The following FGD3 variants were observed in gnomAD, a reference collection of about 807,000 sequenced individuals.
The protein encoded by FGD3 is FYVE, RhoGEF and PH domain containing 3.
Under a neutral mutation model 71.8 loss-of-function variants are expected in FGD3, and 45 were observed. The ratio of observed to expected loss-of-function variants is 0.63; its 90% CI spans 0.49 to 0.80. The LOEUF (loss-of-function observed/expected upper bound fraction) is 0.80, where lower values mean the gene tolerates loss of function less well. Ranked by LOEUF, FGD3 falls within the 30% of genes least tolerant of loss-of-function variation. The pLI is 0.00. For missense variants in FGD3, 844 were observed against 951.5 expected (o/e 0.89, Z 1.49); for synonymous variants, 378 against 392.8 (o/e 0.96, Z 0.44).
In FGD3 at chr9:93,020,374, G is replaced by T. The variant is rs1279242014; in HGVS notation, c.1444G>T (p.Gly482Cys). 9.3e-6 allele frequency: 15 copies of T among 1,613,814 alleles called. No individual in the cohort carries two copies. The highest frequency in any genetic ancestry group is 1.3e-5 in the Non-Finnish European group (15 of 1,179,996). ...KQNSETFKAFGGAFSQDEDPS... is the reference protein window; with the variant it reads ...KQNSETFKAFCGAFSQDEDPS... Reference sequence around the variant, plus strand: ...GAACAGCGAAACCTTCAAGGCTTTTGGTGGCGCCTTCAGCCAGGATGAGGA... The same window carrying T: ...GAACAGCGAAACCTTCAAGGCTTTTTGTGGCGCCTTCAGCCAGGATGAGGA... The change falls in exon 13 of 18, where the codon GGT becomes TGT. Residue 482 changes from glycine (G) to cysteine (C), a missense_variant. Transcript: ENST00000375482.
chr9:93,021,462 G>A (rs562539368), intron 13 of FGD3, among the ~76,000 whole-genome samples: 15 of 152,226 alleles, frequency 9.9e-5, no homozygotes, highest in East Asian at 5.8e-4. Flanking sequence ...ATCTCTGCCC[G>A]CTGCGAGGAA....
At chr9:93,005,976 T>A in intron 5 of FGD3, 48 bp from the exon 6 acceptor site, 1 of 1,539,874 alleles carries the variant, frequency 6.5e-7, no homozygotes, top group Non-Finnish European at 8.8e-7. Context: ...AACCTCAGAG[T>A]CCCCATTGCA....
At chr9:92,965,250 T>C (rs77919541) in intron 1 of FGD3, among the ~76,000 whole-genome samples, 4,149 of 152,312 alleles carry the variant, frequency 0.027, 199 homozygotes, top group African/African-American at 0.094. Flanking sequence ...AGTTCGGGGC[T>C]GGACGTGCTT....
intron 1 of FGD3, among the ~76,000 whole-genome samples, chr9:92,948,717 G>T (rs905141030): frequency 2.6e-5 from 4 of 152,216 alleles, no homozygotes; most frequent in Admixed American, 6.5e-5. Context: ...TGTGCAGAAA[G>T]GTTAAACATT....
chr9:93,003,973 G>A lies in FGD3; in HGVS notation c.544-28G>A, dbSNP rs1339015838. 1.9e-6 allele frequency: 3 copies of A among 1,613,066 alleles called. No homozygotes were observed. Among genetic ancestry groups the A allele is most frequent in the Non-Finnish European group, 2.5e-6 (3 of 1,179,606 alleles). On this transcript the variant is annotated intron_variant, in intron 4 of 17. Transcript: ENST00000375482. This position sits in a 1 kb window ranked among gnomAD's most constrained non-coding sequence, Gnocchi z 4.1. ...CTGTGCTCAGTGGAAGAGGCTCACT[G>A]GCCACACGTGGGCTTCTCTATGCTC...
At chr9:92,989,025 A>G (rs1239168918) in intron 3 of FGD3, among the ~76,000 whole-genome samples, 1 of 151,914 alleles carries the variant, frequency 6.6e-6, no homozygotes, top group Non-Finnish European at 1.5e-5. Context: ...ATCCTCTTCA[A>G]TTTCTTTCAT....
chr9:93,024,657 A>G (rs868238280), intron 14 of FGD3, among the ~76,000 whole-genome samples: 3 of 152,246 alleles, frequency 2.0e-5, no homozygotes, highest in African/African-American at 7.2e-5. Context: ...AGGAAGCAGA[A>G]GTGGGTGGAG....
At position 93,035,468 on chromosome 9, in the gene FGD3, CCTCCG is replaced by C; in HGVS notation, c.2059_2063del (p.Ser687ArgfsTer40). Reference sequence around the variant, plus strand: ...AAGCAGTCCTGGTACCTGAGCGCCTCCTCCGCAGAGCTGCAGCAGCAGTGGCTGGA... The same window carrying C: ...AAGCAGTCCTGGTACCTGAGCGCCTCCAGAGCTGCAGCAGCAGTGGCTGGA... On this transcript the variant is annotated frameshift_variant, in exon 18 of 18. Transcript: ENST00000375482. LOFTEE classifies it low-confidence loss of function (END_TRUNC). 3 of 1,613,580 alleles carry C rather than the reference CCTCCG, an allele frequency of 1.9e-6. No individual in the cohort carries two copies. Among genetic ancestry groups the C allele is most frequent in the Non-Finnish European group, 2.5e-6 (3 of 1,179,960 alleles).
Position 93,035,391 on chromosome 9 carries a change from G to A in FGD3, c.1980G>A (p.Pro660=), listed in dbSNP as rs375889528. Residue 660 remains proline, a synonymous_variant, in exon 18 of 18, where the codon CCG becomes CCA. Transcript: ENST00000375482. ...IPLPSCKLSV[P]DPEERLDSGH... ...TCCCCAGCTGCAAACTGAGTGTGCC[G>A]GACCCTGAGGAGAGGCTGGACTCGG... is the stretch of plus-strand genomic sequence containing the variant. 384 of 1,610,850 alleles carry A rather than the reference G, an allele frequency of 2.4e-4. 1 individual carries two copies. The highest frequency in any genetic ancestry group is 2.6e-4 in the Non-Finnish European group (304 of 1,178,816).
intron 3 of FGD3, among the ~76,000 whole-genome samples, chr9:92,978,987 C>T (rs1365575458): frequency 6.6e-6 from 1 of 151,106 alleles, no homozygotes; most frequent in Non-Finnish European, 1.5e-5. Flanking sequence ...TGAACTGGTT[C>T]GTTAGTCCTA....
Position 93,018,121 on chromosome 9 carries a change from T to A in FGD3, c.1276-15T>A. ...CAGCTTGGGTTTGCTTTGTTCTTTG[T>A]TCTTGCCCCTTCAGGTGCAGGATAT... On this transcript the variant is annotated splice_polypyrimidine_tract_variant and intron_variant, in intron 10 of 17. Coordinates refer to ENST00000375482, the MANE Select transcript of FGD3 (RefSeq NM_001083536.2). 1.2e-6 allele frequency: 2 copies of A among 1,613,600 alleles called. No individual in the cohort carries two copies. Among genetic ancestry groups the A allele is most frequent in the South Asian group, 1.1e-5 (1 of 91,046 alleles).
chr9:93,021,642 G>A (rs72741055), intron 13 of FGD3, among the ~76,000 whole-genome samples: 10,916 of 152,136 alleles, frequency 0.072, 653 homozygotes, highest in African/African-American at 0.16. Flanking sequence ...CCCAACTCTC[G>A]CCGCCTGACC....
intron 7 of FGD3, 80 bp from the exon 8 acceptor site, chr9:93,011,134 G>C: frequency 7.2e-7 from 1 of 1,392,822 alleles, no homozygotes; most frequent in East Asian, 2.3e-5. Flanking sequence ...TCTCTCTGGA[G>C]GCAGCTGCCC....
intron 13 of FGD3, 30 bp from the exon 14 acceptor site, chr9:93,022,294 TCTC>T (rs779380832): frequency 5.0e-6 from 8 of 1,597,132 alleles, no homozygotes; most frequent in Admixed American, 1.7e-5. Flanking sequence ...GGCCCTGGAA[TCTC>T]CTCTCACTCG....
chr9:92,976,787 C>T, intron 3 of FGD3, 78 bp downstream of exon 3: 1 of 1,376,928 alleles, frequency 7.3e-7, no homozygotes, highest in Non-Finnish European at 9.7e-7. Context: ...CAGTGGGCGT[C>T]ATCCCACACC....
chr9:92,971,566 C>CTTTTTTTTTTTTTTTTTT (rs869043960), intron 1 of FGD3, among the ~76,000 whole-genome samples: 1 of 39,570 alleles, frequency 2.5e-5, no homozygotes, highest in Non-Finnish European at 4.6e-5. Flanking sequence ...CTTTTCTTTT[C>CTTTTTTTTTTTTTTTTTT]TTTTTTTTTT....
chr9:92,968,284 T>C (rs754002392), intron 1 of FGD3, among the ~76,000 whole-genome samples: 6 of 152,142 alleles, frequency 3.9e-5, no homozygotes, highest in Admixed American at 1.3e-4. Context: ...AAGGTGGCGG[T>C]GTGAGCCATA....
intron 1 of FGD3, among the ~76,000 whole-genome samples, chr9:92,949,277 G>A (rs1328886004): frequency 6.6e-6 from 1 of 152,186 alleles, no homozygotes; most frequent in Non-Finnish European, 1.5e-5. Context: ...TTCTCCATTT[G>A]TAAATGGGGC....
At chr9:92,970,209 A>G (rs1859482600) in intron 1 of FGD3, among the ~76,000 whole-genome samples, 1 of 152,202 alleles carries the variant, frequency 6.6e-6, no homozygotes, top group African/African-American at 2.4e-5. Context: ...GCGTCCTCAT[A>G]TGAAGGACAG....
Sources: allele counts gnomAD v4.1 joint callset (sites outside exome capture counted in the v4.1 genomes callset), GRCh38; gene constraint gnomAD v4.1.1; non-coding constraint Gnocchi (gnomAD v3.1); transcripts MANE v1.5; gene names NCBI Gene and HGNC (gene_info 2026-07-23, HGNC 2026-07-21).